Variants in LDLRAD3 observed in about 807,000 individuals in gnomAD.
LDLRAD3 encodes the protein low density lipoprotein receptor class A domain containing 3, also known as low-density lipoprotein receptor class A domain-containing protein 3.
A neutral mutation model predicts 29.4 loss-of-function variants in LDLRAD3; 20 were observed. The ratio of observed to expected loss-of-function variants is 0.68; its 90% confidence interval spans 0.48 to 0.99. LDLRAD3 has a LOEUF of 0.99. LDLRAD3 is among the 50% of genes least tolerant of loss of function. LDLRAD3 has a pLI of 0.00. For missense variants in LDLRAD3, 420 were observed against 454.3 expected, an observed-to-expected ratio of 0.92 and a Z score of 0.69; for synonymous variants, 157 against 192.7, an observed-to-expected ratio of 0.81 and a Z score of 1.53.
intron 4 of LDLRAD3, among the ~76,000 whole-genome samples, chr11:36,157,310 A>G (rs1039039566): frequency 2.6e-5 from 4 of 152,138 alleles, no homozygotes; most frequent in Non-Finnish European, 2.9e-5. Context: ...AAAACTCAAA[A>G]TGAGTTGTCC....
At chr11:36,131,697 G>A (rs1853927907) in intron 4 of LDLRAD3, among the ~76,000 whole-genome samples, 1 of 152,206 alleles carries the variant, frequency 6.6e-6, no homozygotes, top group African/African-American at 2.4e-5. Flanking sequence ...TTTGCCTTTT[G>A]AAATCCAGAA....
At chr11:36,001,358 C>A (rs906337905) in intron 1 of LDLRAD3, among the ~76,000 whole-genome samples, 6 of 152,184 alleles carry the variant, frequency 3.9e-5, no homozygotes, top group African/African-American at 1.4e-4. Flanking sequence ...CCCGCTCCCC[C>A]AAGTCTGTGT....
intron 1 of LDLRAD3, among the ~76,000 whole-genome samples, chr11:36,016,070 C>T (rs765103184): frequency 2.0e-5 from 3 of 152,200 alleles, no homozygotes; most frequent in Non-Finnish European, 2.9e-5. Context: ...GGACGAATGA[C>T]GTTTACATCC....
intron 4 of LDLRAD3, among the ~76,000 whole-genome samples, chr11:36,117,440 C>A (rs947458028): frequency 5.9e-5 from 9 of 152,204 alleles, no homozygotes; most frequent in African/African-American, 1.4e-4. Context: ...GAACTACACT[C>A]GTTTGCTGAC....
At chr11:36,220,955 T>A (rs752116775) in intron 4 of LDLRAD3, among the ~76,000 whole-genome samples, 3 of 152,032 alleles carry the variant, frequency 2.0e-5, no homozygotes, top group South Asian at 4.2e-4. Flanking sequence ...TGAAAAAAAA[T>A]ACTTCTAAAA....
chr11:35,971,599 C>A (rs1469232879), intron 1 of LDLRAD3, among the ~76,000 whole-genome samples: 1 of 152,186 alleles, frequency 6.6e-6, no homozygotes. Flanking sequence ...AGAAGCCAAA[C>A]CTGCTGACTC....
chr11:36,224,004 G>A (rs1004851248), intron 4 of LDLRAD3, among the ~76,000 whole-genome samples: 2 of 150,794 alleles, frequency 1.3e-5, no homozygotes, highest in African/African-American at 2.5e-5. Flanking sequence ...AATGTTAAGC[G>A]CCACTGAACT....
chr11:36,112,168 CTTG>C (rs1853615441), intron 4 of LDLRAD3, among the ~76,000 whole-genome samples: 1 of 152,194 alleles, frequency 6.6e-6, no homozygotes, highest in Non-Finnish European at 1.5e-5. Flanking sequence ...TTAATGCAGG[CTTG>C]TTGTTGCAAC....
At chr11:36,218,861 C>G (rs1489349059) in intron 4 of LDLRAD3, among the ~76,000 whole-genome samples, 1 of 152,232 alleles carries the variant, frequency 6.6e-6, no homozygotes, top group Non-Finnish European at 1.5e-5. Flanking sequence ...GCTAAATAAA[C>G]TGTAGTTTAT....
intron 4 of LDLRAD3, among the ~76,000 whole-genome samples, chr11:36,126,795 T>C (rs1853844641): frequency 6.6e-6 from 1 of 152,266 alleles, no homozygotes; most frequent in Non-Finnish European, 1.5e-5. Context: ...GAAAGAACTC[T>C]GTGGAGTTAT....
At chr11:36,192,561 G>T (rs1367811498) in intron 4 of LDLRAD3, among the ~76,000 whole-genome samples, 2 of 152,154 alleles carry the variant, frequency 1.3e-5, no homozygotes, top group East Asian at 3.8e-4. Flanking sequence ...CGCTTTGTGG[G>T]GTAAGTTATA....
At chr11:36,045,627 A>C (rs551069150) in intron 2 of LDLRAD3, among the ~76,000 whole-genome samples, 1 of 151,850 alleles carries the variant, frequency 6.6e-6, no homozygotes, top group East Asian at 1.9e-4. Flanking sequence ...TCATGTGGTC[A>C]TGGGTGGGAC....
intron 3 of LDLRAD3, among the ~76,000 whole-genome samples, chr11:36,086,618 A>G (rs545506307): frequency 6.6e-6 from 1 of 152,264 alleles, no homozygotes; most frequent in South Asian, 2.1e-4. Context: ...GGAGTTTGTA[A>G]ACAGTTTTAT....
chr11:36,127,129 T>G (rs565603608), intron 4 of LDLRAD3, among the ~76,000 whole-genome samples: 2 of 152,346 alleles, frequency 1.3e-5, no homozygotes, highest in Admixed American at 1.3e-4. Flanking sequence ...TGTCAACACT[T>G]GATCTTGCAA....
chr11:36,228,056 T>C (rs867670529), intron 5 of LDLRAD3, among the ~76,000 whole-genome samples: 20 of 152,160 alleles, frequency 1.3e-4, no homozygotes, highest in African/African-American at 4.8e-4. Flanking sequence ...TCCCAGTATG[T>C]ATAAAGCCAG....
At position 35,944,315 on chromosome 11, in the gene LDLRAD3, C is replaced by T. The variant is rs1851027832; in HGVS notation, c.46+171C>T. Among the ~76,000 whole-genome samples the T allele has an allele frequency of 6.6e-6, 1 of 151,486 alleles. No homozygotes were observed. Among genetic ancestry groups the T allele is most frequent in the Admixed American group, 6.6e-5 (1 of 15,244 alleles). On this transcript the variant is annotated intron_variant, in intron 1 of 5. Transcript: ENST00000315571. This position sits in a 1 kb window ranked among gnomAD's most constrained non-coding sequence, Gnocchi z 4.9. The stretch of plus-strand genomic sequence containing the variant: ...GCTGGCCCGGACCCTGCCGAGGGGC[C>T]GCCGCGGGGTGCGAGCCGTCCTATT...
intron 4 of LDLRAD3, among the ~76,000 whole-genome samples, chr11:36,195,683 C>T (rs16928509): frequency 0.088 from 13,358 of 152,168 alleles, 614 homozygotes; most frequent in East Asian, 0.19. Context: ...TATATTTGTT[C>T]ATGGCCTGAC....
chr11:36,153,056 C>G (rs1191043635), intron 4 of LDLRAD3, among the ~76,000 whole-genome samples: 2 of 151,982 alleles, frequency 1.3e-5, no homozygotes, highest in Non-Finnish European at 2.9e-5. Context: ...TGCCATTTAC[C>G]ATGGATTTGT....
chr11:36,087,830 G>C (rs999454615), intron 3 of LDLRAD3, among the ~76,000 whole-genome samples: 1 of 151,886 alleles, frequency 6.6e-6, no homozygotes, highest in Non-Finnish European at 1.5e-5. Context: ...TTCTACCTCA[G>C]CTGCCCAAGA....
Sources: allele counts gnomAD v4.1 joint callset (sites outside exome capture counted in the v4.1 genomes callset), GRCh38; gene constraint gnomAD v4.1.1; non-coding constraint Gnocchi (gnomAD v3.1); transcripts MANE v1.5; gene names NCBI Gene and HGNC (gene_info 2026-07-23, HGNC 2026-07-21).